Variants in MEMO1 observed in about 807,000 individuals in gnomAD.
The protein encoded by MEMO1 is protein MEMO1.
MEMO1 carries 6 observed loss-of-function variants against 45.2 expected under a neutral mutation model. That is an observed-to-expected ratio of 0.13 (90% CI 0.07 to 0.26). MEMO1 has a LOEUF of 0.26. MEMO1 is among the 10% of genes least tolerant of loss of function. The pLI is 1.00. For synonymous variants in MEMO1, 78 were observed against 124.3 expected (o/e 0.63, Z 2.48); for missense variants, 184 against 370.5 (o/e 0.50, Z 4.13).
At chr2:31,967,040 T>C (rs1356416648) in intron 2 of MEMO1, among the ~76,000 whole-genome samples, 1 of 152,142 alleles carries the variant, frequency 6.6e-6, no homozygotes, top group Non-Finnish European at 1.5e-5. Flanking sequence ...TTTGTAGTTA[T>C]TGACATAATT....
chr2:31,948,768 G>A (rs1010689815), intron 2 of MEMO1, among the ~76,000 whole-genome samples: 3 of 152,168 alleles, frequency 2.0e-5, no homozygotes, highest in Non-Finnish European at 2.9e-5. Context: ...GCGTAGTGGT[G>A]CACACCTGTA....
At chr2:31,933,281 C>T (rs1464985745) in intron 3 of MEMO1, among the ~76,000 whole-genome samples, 2 of 127,818 alleles carry the variant, frequency 1.6e-5, no homozygotes, top group Admixed American at 9.1e-5. Flanking sequence ...CACGCCCACA[C>T]ACCAGCCTGG....
intron 6 of MEMO1, among the ~76,000 whole-genome samples, chr2:31,907,767 G>C (rs1053424685): frequency 1.4e-5 from 2 of 146,754 alleles, no homozygotes; most frequent in African/African-American, 5.1e-5. Flanking sequence ...TACTCCAGCA[G>C]GAGCAAGACC....
intron 2 of MEMO1, among the ~76,000 whole-genome samples, chr2:31,992,579 T>C (rs1236310360): frequency 6.6e-6 from 1 of 152,104 alleles, no homozygotes; most frequent in Non-Finnish European, 1.5e-5. Flanking sequence ...AGTTCAGGAG[T>C]TCGAGACCAG....
chr2:31,896,009 A>G (rs1025550127), intron 6 of MEMO1, among the ~76,000 whole-genome samples: 2 of 151,874 alleles, frequency 1.3e-5, no homozygotes, highest in Non-Finnish European at 2.9e-5. Context: ...TCGCCCAGCT[A>G]ATTTTTTGTA....
At chr2:31,912,944 A>AT (rs1474783770) in intron 6 of MEMO1, among the ~76,000 whole-genome samples, 1 of 152,112 alleles carries the variant, frequency 6.6e-6, no homozygotes, top group Non-Finnish European at 1.5e-5. Context: ...TTAGACTACT[A>AT]TTTTTTTAAA....
intron 2 of MEMO1, among the ~76,000 whole-genome samples, chr2:31,989,571 T>C (rs1671690830): frequency 6.6e-6 from 1 of 152,210 alleles, no homozygotes; most frequent in African/African-American, 2.4e-5. Context: ...ACCAACTAGA[T>C]TCATAGATCT....
At chr2:31,896,859 C>A (rs532502928) in intron 6 of MEMO1, among the ~76,000 whole-genome samples, 6 of 151,844 alleles carry the variant, frequency 4.0e-5, no homozygotes, top group Non-Finnish European at 8.8e-5. Flanking sequence ...ATAGATATTT[C>A]ACAAAAGAAG....
intron 7 of MEMO1, among the ~76,000 whole-genome samples, chr2:31,886,491 T>G (rs1027112675): frequency 6.6e-6 from 1 of 152,088 alleles, no homozygotes; most frequent in Non-Finnish European, 1.5e-5. Flanking sequence ...TTGGTTTTTA[T>G]TATTTTAAAA....
At chr2:31,881,041 GAAAGA>G (rs1229918394) in intron 8 of MEMO1, among the ~76,000 whole-genome samples, 2 of 150,954 alleles carry the variant, frequency 1.3e-5, no homozygotes, top group African/African-American at 2.4e-5. Context: ...AATAAAAAAA[GAAAGA>G]AAAGAAGGAA....
At chr2:31,964,713 T>C (rs1003505616) in intron 2 of MEMO1, among the ~76,000 whole-genome samples, 23 of 150,906 alleles carry the variant, frequency 1.5e-4, no homozygotes, top group African/African-American at 5.6e-4. Context: ...AAAAAACAAA[T>C]AAATAAATAA....
At chr2:31,943,082 T>C (rs1444039575) in intron 3 of MEMO1, among the ~76,000 whole-genome samples, 2 of 152,066 alleles carry the variant, frequency 1.3e-5, no homozygotes, top group African/African-American at 4.8e-5. Flanking sequence ...CTGGCCAACA[T>C]GGTAAAACTC....
At chr2:31,918,570 A>T (rs1681818905) in intron 5 of MEMO1, among the ~76,000 whole-genome samples, 1 of 152,148 alleles carries the variant, frequency 6.6e-6, no homozygotes, top group South Asian at 2.1e-4. Flanking sequence ...AAGAAGAGAA[A>T]ATTCTCACTA....
At chr2:31,942,782 A>G (rs1462065301) in intron 3 of MEMO1, among the ~76,000 whole-genome samples, 1 of 152,250 alleles carries the variant, frequency 6.6e-6, no homozygotes, top group Non-Finnish European at 1.5e-5. Context: ...TTGGCCTCTC[A>G]AAGTGCTGGA....
At chr2:31,978,761 G>C (rs1008354043) in intron 2 of MEMO1, among the ~76,000 whole-genome samples, 1 of 152,186 alleles carries the variant, frequency 6.6e-6, no homozygotes, top group Non-Finnish European at 1.5e-5. Context: ...CCAAACACTG[G>C]ATACCATTAA....
intron 3 of MEMO1, among the ~76,000 whole-genome samples, chr2:31,942,432 C>T (rs1665722743): frequency 6.6e-6 from 1 of 152,156 alleles, no homozygotes; most frequent in Non-Finnish European, 1.5e-5. Context: ...GTAAAAAACA[C>T]TTTTCTTTAA....
At chr2:31,995,071 C>A (rs780201163) in intron 2 of MEMO1, among the ~76,000 whole-genome samples, 1 of 152,020 alleles carries the variant, frequency 6.6e-6, no homozygotes, top group South Asian at 2.1e-4. Context: ...ATTCACTATA[C>A]CCAGACCCAG....
intron 2 of MEMO1, among the ~76,000 whole-genome samples, chr2:31,998,959 C>T (rs1453365552): frequency 6.6e-6 from 1 of 152,160 alleles, no homozygotes; most frequent in East Asian, 1.9e-4. Context: ...AACCTTCCCC[C>T]GCCAAACTTG....
At chr2:31,994,579 C>A (rs544220686) in intron 2 of MEMO1, among the ~76,000 whole-genome samples, 16 of 150,838 alleles carry the variant, frequency 1.1e-4, no homozygotes, top group African/African-American at 3.9e-4. Context: ...TGCAGTGAGC[C>A]GAGATTGCAC....
Sources: allele counts gnomAD v4.1 joint callset (sites outside exome capture counted in the v4.1 genomes callset), GRCh38; gene constraint gnomAD v4.1.1; transcripts MANE v1.5; gene names NCBI Gene and HGNC (gene_info 2026-07-23, HGNC 2026-07-21).